Variants in SPAG6 observed in about 807,000 individuals in gnomAD.
SPAG6 encodes sperm-associated antigen 6.
A neutral mutation model predicts 58.5 loss-of-function variants in SPAG6; 49 were observed. That is an observed-to-expected ratio of 0.84 (90% CI 0.67 to 1.06). The LOEUF is 1.06. Among genes scored for constraint, SPAG6 ranks in the 50% least tolerant of loss-of-function variants. The probability of loss-of-function intolerance (pLI) is 0.00; values close to 1 mark genes in which losing one functional copy is unlikely to be tolerated. For missense variants in SPAG6, 560 were observed against 611.3 expected, an observed-to-expected ratio of 0.92 and a Z score of 0.89; for synonymous variants, 233 against 225.6, an observed-to-expected ratio of 1.03 and a Z score of -0.29.
Position 22,401,264 on chromosome 10 carries a change from G to GAC in SPAG6, c.1303_1304dup (p.Gln435HisfsTer18). The GAC allele has an allele frequency of 6.5e-7, 1 of 1,536,152 alleles. No homozygotes were observed. The highest frequency in any genetic ancestry group is 9.0e-7 in the Non-Finnish European group (1 of 1,109,334). ...CCCAATATTCTGAAACATGTGGTTG[G>GAC]ACAGTTCAGTAAGGTAAGAAATGCC... On this transcript the variant is annotated frameshift_variant, in exon 9 of 11. Coordinates refer to ENST00000376624, the MANE Select transcript of SPAG6 (RefSeq NM_012443.4). LOFTEE classifies it high-confidence loss of function.
intron 4 of SPAG6, among the ~76,000 whole-genome samples, chr10:22,376,010 A>G (rs1833807795): frequency 6.6e-6 from 1 of 152,180 alleles, no homozygotes; most frequent in South Asian, 2.1e-4. Context: ...CTCTATTCAC[A>G]TGAGACTTTT....
At chr10:22,347,459 C>G (rs1023143612) in intron 2 of SPAG6, among the ~76,000 whole-genome samples, 1 of 152,098 alleles carries the variant, frequency 6.6e-6, no homozygotes, top group Non-Finnish European at 1.5e-5. Flanking sequence ...CTCTCAGTCC[C>G]TCTCAATGAC....
At chr10:22,348,874 C>T (rs562622535) in intron 2 of SPAG6, among the ~76,000 whole-genome samples, 1 of 152,240 alleles carries the variant, frequency 6.6e-6, no homozygotes, top group Admixed American at 6.5e-5. Context: ...ACTCTGTCGC[C>T]CAGACTGGAG....
chr10:22,379,591 T>C (rs113921910), intron 4 of SPAG6, among the ~76,000 whole-genome samples: 4 of 152,298 alleles, frequency 2.6e-5, no homozygotes, highest in South Asian at 2.1e-4. Context: ...ATATCCTCAA[T>C]TGACTACAGC....
At position 22,401,203 on chromosome 10, in the gene SPAG6, T is replaced by C; in HGVS notation, c.1240T>C (p.Leu414=). 1.2e-6 allele frequency: 2 copies of C among 1,607,850 alleles called. No individual in the cohort carries two copies. Among genetic ancestry groups the C allele is most frequent in the Admixed American group, 1.7e-5 (1 of 59,956 alleles). Residue 414 remains leucine, a synonymous_variant, in exon 9 of 11, where the codon TTA becomes CTA. Coordinates refer to ENST00000376624, the MANE Select transcript of SPAG6 (RefSeq NM_012443.4). ...GAATATCCTGCAAAAATGTACCTAC[T>C]TACCAGCCCTTGAACCATTTCTATA... ...IKNILQKCTY[L]PALEPFLYDA... is the part of the protein sequence containing the mutation.
In SPAG6 at chr10:22,358,011, T is replaced by G. The variant is rs189876803; in HGVS notation, c.122-6842T>G. The stretch of plus-strand genomic sequence containing the variant: ...GTTGGACATTTGGGTTGGTTCCAAG[T>G]CTTTGCTATGGTGAATAGTGTCGCA... On this transcript the variant is annotated intron_variant, in intron 2 of 10. Coordinates refer to ENST00000376624, the MANE Select transcript of SPAG6 (RefSeq NM_012443.4). Among the ~76,000 whole-genome samples, 71 of 152,216 alleles carry G rather than the reference T, an allele frequency of 4.7e-4. No homozygotes were observed. The East Asian group carries it at 0.012, about 26-fold the overall frequency.
chr10:22,358,580 G>A (rs1184994258), intron 2 of SPAG6, among the ~76,000 whole-genome samples: 1 of 151,888 alleles, frequency 6.6e-6, no homozygotes, highest in Non-Finnish European at 1.5e-5. Flanking sequence ...AAGCTCTTTA[G>A]TTTAATGAGA....
intron 8 of SPAG6, among the ~76,000 whole-genome samples, chr10:22,400,431 T>C (rs1310761887): frequency 6.6e-6 from 1 of 152,096 alleles, no homozygotes; most frequent in African/African-American, 2.4e-5. Flanking sequence ...TGTGATGTGC[T>C]GCAGCCCCAT....
intron 6 of SPAG6, 79 bp from the exon 7 acceptor site, chr10:22,389,081 A>G: frequency 4.1e-6 from 5 of 1,234,184 alleles, no homozygotes; most frequent in Non-Finnish European, 5.7e-6. Flanking sequence ...TAGGTTCTAA[A>G]TAGAGTGTGG....
intron 2 of SPAG6, among the ~76,000 whole-genome samples, chr10:22,355,627 T>C (rs1048418437): frequency 6.6e-6 from 1 of 152,216 alleles, no homozygotes; most frequent in African/African-American, 2.4e-5. Context: ...TTAGATAAAT[T>C]ACAAGACTTT....
intron 9 of SPAG6, among the ~76,000 whole-genome samples, chr10:22,403,389 G>T (rs890921140): frequency 7.9e-5 from 12 of 151,990 alleles, no homozygotes; most frequent in African/African-American, 2.9e-4. Flanking sequence ...GCGGTGTTTG[G>T]TTTTTTGTTC....
At chr10:22,402,246 A>G (rs1344614601) in intron 9 of SPAG6, among the ~76,000 whole-genome samples, 1 of 152,212 alleles carries the variant, frequency 6.6e-6, no homozygotes, top group East Asian at 1.9e-4. Flanking sequence ...TATTTAAGAA[A>G]TAAAACATGC....
intron 9 of SPAG6, among the ~76,000 whole-genome samples, chr10:22,408,982 G>A (rs12221130): frequency 1.2e-4 from 18 of 152,284 alleles, no homozygotes; most frequent in East Asian, 1.2e-3. Flanking sequence ...GCAATGCCTC[G>A]CCCTGCTTCG....
intron 4 of SPAG6, among the ~76,000 whole-genome samples, chr10:22,375,262 GA>G (rs1464408905): frequency 6.6e-6 from 1 of 152,200 alleles, no homozygotes; most frequent in East Asian, 1.9e-4. Flanking sequence ...AGAAATACAT[GA>G]AGCAAAATAT....
chr10:22,393,598 A>G (rs1834228353), intron 8 of SPAG6, among the ~76,000 whole-genome samples: 2 of 152,286 alleles, frequency 1.3e-5, no homozygotes, highest in Non-Finnish European at 2.9e-5. Context: ...CCTTCTGCCT[A>G]TATTTAGTAC....
chr10:22,400,528 A>C (rs1050698227), intron 8 of SPAG6, among the ~76,000 whole-genome samples: 26 of 151,652 alleles, frequency 1.7e-4, no homozygotes, highest in African/African-American at 6.1e-4. Flanking sequence ...GAAATGGTAC[A>C]TATGGTACGT....
chr10:22,371,329 C>T (rs1007479315), intron 4 of SPAG6, among the ~76,000 whole-genome samples: 3 of 152,124 alleles, frequency 2.0e-5, no homozygotes, highest in African/African-American at 7.2e-5. Flanking sequence ...TCTCAGCTCG[C>T]TGCAACCTCC....
At chr10:22,397,312 T>C (rs1228215137) in intron 8 of SPAG6, among the ~76,000 whole-genome samples, 1 of 152,182 alleles carries the variant, frequency 6.6e-6, no homozygotes. Flanking sequence ...ATTTTCTTTT[T>C]TGAGACAGGG....
intron 2 of SPAG6, among the ~76,000 whole-genome samples, chr10:22,357,541 T>C (rs1588636596): frequency 6.6e-6 from 1 of 152,266 alleles, no homozygotes; most frequent in Non-Finnish European, 1.5e-5. Flanking sequence ...TAAAATTATG[T>C]GGATGAAAAT....
Sources: gnomAD v4.1 joint callset for allele counts (sites outside exome capture counted in the v4.1 genomes callset) on GRCh38, gnomAD v4.1.1 for gene constraint, MANE v1.5 for transcripts, NCBI Gene and HGNC (gene_info 2026-07-23, HGNC 2026-07-21) for gene names.